The following TMEM132B variants were observed in gnomAD, a reference collection of about 807,000 sequenced individuals.
TMEM132B encodes transmembrane protein 132B.
A neutral mutation model predicts 90.8 loss-of-function variants in TMEM132B; 18 were observed. That is an observed-to-expected ratio of 0.20 (90% CI 0.14 to 0.29). The LOEUF (loss-of-function observed/expected upper bound fraction) is 0.29, where lower values mean the gene tolerates loss of function less well. Ranked by LOEUF, TMEM132B falls within the 10% of genes least tolerant of loss-of-function variation. TMEM132B has a pLI of 1.00. For missense variants in TMEM132B, 1,096 were observed against 1,326.8 expected (o/e 0.83, Z 2.70); for synonymous variants, 504 against 523.3 (o/e 0.96, Z 0.50).
intron 3 of TMEM132B, among the ~76,000 whole-genome samples, chr12:125,512,439 T>A (rs577631262): frequency 5.3e-5 from 8 of 152,318 alleles, no homozygotes; most frequent in African/African-American, 1.9e-4. Context: ...CTCAGTTATA[T>A]GAAGCTGCAA....
At position 125,630,306 on chromosome 12, in the gene TMEM132B, G is replaced by C. The variant is rs145142930; in HGVS notation, c.1438-13770G>C. Among the ~76,000 whole-genome samples the C allele has an allele frequency of 1.1e-3, 169 of 151,976 alleles. 1 individual carries two copies. Among genetic ancestry groups the C allele is most frequent in the African/African-American group, 3.6e-3 (149 of 41,520 alleles). ...TTGGGAGACTTTTTGTTATGGCTTG[G>C]ATCTCATTACTTGTTATTGGTCTCT... On this transcript the variant is annotated intron_variant, in intron 5 of 8. Transcript: ENST00000682704.
intron 4 of TMEM132B, among the ~76,000 whole-genome samples, chr12:125,527,091 C>CTTCT (rs1883489790): frequency 6.8e-6 from 1 of 145,998 alleles, no homozygotes; most frequent in African/African-American, 2.6e-5. Context: ...CCCATCCACC[C>CTTCT]ATCCACCCTT....
intron 1 of TMEM132B, among the ~76,000 whole-genome samples, chr12:125,207,595 T>C (rs1478224266): frequency 6.6e-6 from 1 of 152,138 alleles, no homozygotes; most frequent in African/African-American, 2.4e-5. Flanking sequence ...ATAACAAAAT[T>C]TACCATCTTA....
chr12:125,293,055 G>A (rs2136149341), intron 1 of TMEM132B, among the ~76,000 whole-genome samples: 1 of 152,322 alleles, frequency 6.6e-6, no homozygotes, highest in Admixed American at 6.5e-5. Flanking sequence ...ATTCTTTTGG[G>A]AGCTGGGGAG....
chr12:125,361,270 A>G (rs1877948789), intron 2 of TMEM132B, among the ~76,000 whole-genome samples: 1 of 152,088 alleles, frequency 6.6e-6, no homozygotes, highest in African/African-American at 2.4e-5. Flanking sequence ...TCCTCCATTT[A>G]GAGATGAAGA....
At chr12:125,327,117 T>C (rs1441633107) in intron 1 of TMEM132B, among the ~76,000 whole-genome samples, 1 of 152,040 alleles carries the variant, frequency 6.6e-6, no homozygotes, top group East Asian at 1.9e-4. Flanking sequence ...CTCCTCTTTT[T>C]CCCACTCTGC....
At chr12:125,244,097 T>A (rs1292986192) in intron 1 of TMEM132B, among the ~76,000 whole-genome samples, 1 of 152,240 alleles carries the variant, frequency 6.6e-6, no homozygotes, top group African/African-American at 2.4e-5. Context: ...CAGAATGTCA[T>A]TCTTTTTATG....
At chr12:125,500,320 ATC>A (rs1882665741) in intron 3 of TMEM132B, among the ~76,000 whole-genome samples, 1 of 152,200 alleles carries the variant, frequency 6.6e-6, no homozygotes, top group African/African-American at 2.4e-5. Context: ...CTGGTGGGGA[ATC>A]TCTACAAATC....
At chr12:125,472,240 AG>A (rs1363203401) in intron 3 of TMEM132B, among the ~76,000 whole-genome samples, 2 of 152,146 alleles carry the variant, frequency 1.3e-5, no homozygotes, top group African/African-American at 2.4e-5. Flanking sequence ...ACAGCAGTGC[AG>A]GGGGGTACAG....
At chr12:125,313,565 C>T (rs1876173101) in intron 1 of TMEM132B, among the ~76,000 whole-genome samples, 2 of 86,288 alleles carry the variant, frequency 2.3e-5, no homozygotes, top group Non-Finnish European at 4.7e-5. Context: ...TTTCCCCCTC[C>T]CCTCTCCTTT....
At chr12:125,430,704 T>C (rs1374608889) in intron 3 of TMEM132B, among the ~76,000 whole-genome samples, 1 of 152,194 alleles carries the variant, frequency 6.6e-6, no homozygotes, top group Non-Finnish European at 1.5e-5. Context: ...ACCTTCTGAG[T>C]CCTGTTTTGG....
intron 5 of TMEM132B, among the ~76,000 whole-genome samples, chr12:125,602,460 A>T (rs772856485): frequency 1.3e-5 from 2 of 152,216 alleles, no homozygotes; most frequent in Admixed American, 1.3e-4. Context: ...GATGAAACAT[A>T]TCTCAAAATA....
chr12:125,311,209 C>T (rs1389476624), intron 1 of TMEM132B, among the ~76,000 whole-genome samples: 3 of 152,140 alleles, frequency 2.0e-5, no homozygotes. Flanking sequence ...GCACTCAACC[C>T]GTTTGGCATC....
At chr12:125,295,345 A>T (rs1875640419) in intron 1 of TMEM132B, among the ~76,000 whole-genome samples, 1 of 152,160 alleles carries the variant, frequency 6.6e-6, no homozygotes, top group Non-Finnish European at 1.5e-5. Flanking sequence ...AGCGTCTCCT[A>T]TGGCCACTCA....
intron 2 of TMEM132B, among the ~76,000 whole-genome samples, chr12:125,376,279 T>A (rs549119227): frequency 7.3e-5 from 11 of 150,526 alleles, no homozygotes; most frequent in African/African-American, 2.7e-4. Flanking sequence ...TTGATATTGC[T>A]TTTTTTTTCC....
chr12:125,397,664 G>A (rs951350624), intron 2 of TMEM132B, among the ~76,000 whole-genome samples: 1 of 152,172 alleles, frequency 6.6e-6, no homozygotes, highest in African/African-American at 2.4e-5. Flanking sequence ...ATTTTGTGGA[G>A]CATAAGGACC....
At chr12:125,488,946 C>T (rs1214874415) in intron 3 of TMEM132B, among the ~76,000 whole-genome samples, 1 of 152,138 alleles carries the variant, frequency 6.6e-6, no homozygotes, top group Non-Finnish European at 1.5e-5. Flanking sequence ...GAAATTCTAG[C>T]CTATTTTAAA....
chr12:125,439,200 A>G (rs1006067006), intron 3 of TMEM132B, among the ~76,000 whole-genome samples: 9 of 151,972 alleles, frequency 5.9e-5, no homozygotes, highest in Non-Finnish European at 1.3e-4. Context: ...AGTTCCGTGA[A>G]GAATGTGGTT....
chr12:125,250,577 A>G (rs749879682), intron 1 of TMEM132B, among the ~76,000 whole-genome samples: 3 of 152,106 alleles, frequency 2.0e-5, no homozygotes, highest in Non-Finnish European at 4.4e-5. Context: ...ATTCCATCCA[A>G]TCTTTTGTCT....
Sources: gnomAD v4.1 joint callset for allele counts (sites outside exome capture counted in the v4.1 genomes callset) on GRCh38, gnomAD v4.1.1 for gene constraint, MANE v1.5 for transcripts, NCBI Gene and HGNC (gene_info 2026-07-23, HGNC 2026-07-21) for gene names.